The following PPP2R2C variants were observed in gnomAD, a reference collection of about 807,000 sequenced individuals.
PPP2R2C encodes protein phosphatase 2 regulatory subunit Bgamma, also known as protein phosphatase 2, regulatory subunit B, gamma.
In PPP2R2C, 10 loss-of-function variants were observed where a neutral mutation model predicts 45.3. That is an observed-to-expected ratio of 0.22 (90% CI 0.14 to 0.37). PPP2R2C has a LOEUF of 0.37. Among genes scored for constraint, PPP2R2C ranks in the 10% least tolerant of loss-of-function variants. The pLI, the probability that PPP2R2C is intolerant of heterozygous loss-of-function variation, is 1.00. For synonymous variants in PPP2R2C, 257 were observed against 245.4 expected, an observed-to-expected ratio of 1.05 and a Z score of -0.44; for missense variants, 308 against 619.7, an observed-to-expected ratio of 0.50 and a Z score of 5.34.
intron 1 of PPP2R2C, among the ~76,000 whole-genome samples, chr4:6,406,513 T>G (rs1481328465): frequency 2.0e-5 from 3 of 152,162 alleles, no homozygotes; most frequent in Non-Finnish European, 4.4e-5. Flanking sequence ...GTAGATCGCT[T>G]GAGCCCAGGA....
At chr4:6,451,108 T>C (rs528474263) in intron 1 of PPP2R2C, among the ~76,000 whole-genome samples, 1 of 152,308 alleles carries the variant, frequency 6.6e-6, no homozygotes, top group Non-Finnish European at 1.5e-5. Context: ...GCTCAGCCTA[T>C]TGTCTCTTCC....
At chr4:6,560,545 G>A (rs924288056) in intron 1 of PPP2R2C, among the ~76,000 whole-genome samples, 3 of 152,136 alleles carry the variant, frequency 2.0e-5, no homozygotes, top group African/African-American at 7.2e-5. Context: ...TCACCAGGTT[G>A]TGGCGGAAGG....
At chr4:6,486,917 C>T (rs1042911302) in intron 2 of PPP2R2C, among the ~76,000 whole-genome samples, 7 of 151,852 alleles carry the variant, frequency 4.6e-5, no homozygotes, top group African/African-American at 1.7e-4. Flanking sequence ...CCTTTGTTCC[C>T]TTCTTTCTCC....
intron 2 of PPP2R2C, among the ~76,000 whole-genome samples, chr4:6,480,714 T>C (rs984040878): frequency 6.6e-6 from 1 of 152,206 alleles, no homozygotes; most frequent in African/African-American, 2.4e-5. Context: ...ACTGGTGACA[T>C]TCCTTCTGGG....
At chr4:6,470,993 G>C (rs1023559750) in intron 1 of PPP2R2C, among the ~76,000 whole-genome samples, 1 of 151,756 alleles carries the variant, frequency 6.6e-6, no homozygotes, top group African/African-American at 2.4e-5. Flanking sequence ...CCGGGCCTCC[G>C]CGGGGCTCCG....
At chr4:6,406,509 C>A (rs1181412040) in intron 1 of PPP2R2C, among the ~76,000 whole-genome samples, 1 of 152,170 alleles carries the variant, frequency 6.6e-6, no homozygotes, top group Non-Finnish European at 1.5e-5. Context: ...GCGGGTAGAT[C>A]GCTTGAGCCC....
At chr4:6,371,232 C>T (rs886773588) in intron 5 of PPP2R2C, among the ~76,000 whole-genome samples, 3 of 152,324 alleles carry the variant, frequency 2.0e-5, no homozygotes, top group South Asian at 4.1e-4. Flanking sequence ...ACATGTGCCC[C>T]GCACCCTCTG....
chr4:6,336,574 A>G (rs1732870885), intron 6 of PPP2R2C, among the ~76,000 whole-genome samples: 1 of 149,864 alleles, frequency 6.7e-6, no homozygotes, highest in Non-Finnish European at 1.5e-5. Flanking sequence ...CGCAGGCAGC[A>G]AAGATGCTGT....
intron 2 of PPP2R2C, among the ~76,000 whole-genome samples, chr4:6,519,266 C>T (rs902471201): frequency 1.1e-4 from 17 of 152,120 alleles, no homozygotes; most frequent in African/African-American, 4.1e-4. Context: ...GTGCTGGAGT[C>T]ATATGAGAGC....
rs553881903 is a variant in PPP2R2C at position 6,323,698 on chromosome 4, G to A, written c.1053-105C>T. Reference sequence around the variant, plus strand: ...CGCCCATAATCCCAGGACTTTGGGAGGCCCCGGTGGGAGGATTGCTTCAGC... The same window carrying A: ...CGCCCATAATCCCAGGACTTTGGGAAGCCCCGGTGGGAGGATTGCTTCAGC... On this transcript the variant is annotated intron_variant, in intron 8 of 8. Coordinates refer to ENST00000382599, the MANE Select transcript of PPP2R2C (RefSeq NM_020416.4). 5.8e-6 allele frequency: 7 copies of A among 1,202,414 alleles called. No individual in the cohort carries two copies. The East Asian group carries it at 1.3e-4, about 23-fold the overall frequency. The allele number at this position is 1,202,414 out of a possible 1,614,324, so 74.5% of individuals were successfully genotyped here.
intron 1 of PPP2R2C, among the ~76,000 whole-genome samples, chr4:6,562,090 G>A (rs1725595310): frequency 6.6e-6 from 1 of 152,198 alleles, no homozygotes; most frequent in Non-Finnish European, 1.5e-5. Flanking sequence ...CTCCACAGCA[G>A]GGAGGTAGGA....
At chr4:6,382,669 T>TCACA (rs1715916053) in intron 1 of PPP2R2C, 1 of 167,394 alleles carries the variant, frequency 6.0e-6, no homozygotes, top group African/African-American at 4.5e-5. Flanking sequence ...TCTCTCTCTC[T>TCACA]CTCTCTCACA....
chr4:6,510,808 C>T (rs892635356), intron 2 of PPP2R2C, among the ~76,000 whole-genome samples: 1 of 151,694 alleles, frequency 6.6e-6, no homozygotes, highest in African/African-American at 2.4e-5. Context: ...AAACAATGTC[C>T]CCACTAAAAA....
chr4:6,477,854 C>G (rs570950101), intron 2 of PPP2R2C, among the ~76,000 whole-genome samples: 1 of 152,140 alleles, frequency 6.6e-6, no homozygotes, highest in East Asian at 1.9e-4. Context: ...CCAGCCCTGT[C>G]GACATGCACT....
At chr4:6,406,120 G>A (rs573817768) in intron 1 of PPP2R2C, among the ~76,000 whole-genome samples, 4 of 152,244 alleles carry the variant, frequency 2.6e-5, no homozygotes, top group East Asian at 1.9e-4. Context: ...AAGAACTAAC[G>A]TATTTATTTT....
chr4:6,407,320 G>A (rs1232971115), intron 1 of PPP2R2C, among the ~76,000 whole-genome samples: 2 of 152,254 alleles, frequency 1.3e-5, no homozygotes, highest in African/African-American at 4.8e-5. Context: ...CAGGACACAA[G>A]TCAGGATGAA....
intron 6 of PPP2R2C, among the ~76,000 whole-genome samples, chr4:6,338,932 G>A (rs533135542): frequency 1.3e-5 from 2 of 152,354 alleles, no homozygotes; most frequent in African/African-American, 4.8e-5. Flanking sequence ...AGCACGATGG[G>A]ATCTTCAGAG....
rs2109167817 is a variant in PPP2R2C, at chr4:6,331,151, T to A, written c.961-1798A>T. On this transcript the variant is annotated intron_variant, in intron 7 of 8. Coordinates refer to ENST00000382599, the MANE Select transcript of PPP2R2C (RefSeq NM_020416.4). This position sits in a 1 kb window ranked among gnomAD's most constrained non-coding sequence, Gnocchi z 5.9. ...TTTTTGTGTGTCCTCCTTACTCAGC[T>A]CCCAGCAGCCTTGGTGATGCACGCG... Among the ~76,000 whole-genome samples, 1 of 152,280 alleles carries A rather than the reference T, an allele frequency of 6.6e-6. No homozygotes were observed. The highest frequency in any genetic ancestry group is 6.5e-5 in the Admixed American group (1 of 15,300).
At chr4:6,381,245 C>G (rs1000360484) in intron 1 of PPP2R2C, 151 bp from the exon 2 acceptor site, 70 of 1,535,602 alleles carry the variant, frequency 4.6e-5, no homozygotes, top group Non-Finnish European at 5.8e-5. Flanking sequence ...GGGTCAGGAG[C>G]ATCGGCGAGG....
Sources: gnomAD v4.1 joint callset for allele counts (sites outside exome capture counted in the v4.1 genomes callset) on GRCh38, gnomAD v4.1.1 for gene constraint, Gnocchi (gnomAD v3.1) non-coding constraint, MANE v1.5 for transcripts, NCBI Gene and HGNC (gene_info 2026-07-23, HGNC 2026-07-21) for gene names.